DAB1: variants seen among roughly 807,000 people sequenced by gnomAD.
The protein encoded by DAB1 is disabled homolog 1.
In DAB1, 15 loss-of-function variants were observed where a neutral mutation model predicts 64.6. That is an observed-to-expected ratio of 0.23 (90% CI 0.16 to 0.36). The LOEUF (loss-of-function observed/expected upper bound fraction) is 0.36, where lower values mean the gene tolerates loss of function less well. Among genes scored for constraint, DAB1 ranks in the 10% least tolerant of loss-of-function variants. The probability of loss-of-function intolerance (pLI) is 1.00; values close to 1 mark genes in which losing one functional copy is unlikely to be tolerated. For synonymous variants in DAB1, 235 were observed against 251.9 expected, an observed-to-expected ratio of 0.93 and a Z score of 0.64; for missense variants, 596 against 706.7, an observed-to-expected ratio of 0.84 and a Z score of 1.78.
intron 2 of DAB1, among the ~76,000 whole-genome samples, chr1:57,263,236 C>T (rs1670330550): frequency 6.6e-6 from 1 of 152,006 alleles, no homozygotes; most frequent in Non-Finnish European, 1.5e-5. Flanking sequence ...CTGCCTCAGT[C>T]ACCTGAGTAG....
intron 5 of DAB1, among the ~76,000 whole-genome samples, chr1:57,984,256 G>GAAAAA (rs113729930): frequency 2.3e-5 from 3 of 128,912 alleles, no homozygotes; most frequent in African/African-American, 9.2e-5. Context: ...AAGAAAGAAA[G>GAAAAA]AAAGAAAAAA....
At chr1:57,458,686 A>C (rs1404286436) in intron 7 of DAB1, among the ~76,000 whole-genome samples, 2 of 152,144 alleles carry the variant, frequency 1.3e-5, no homozygotes, top group African/African-American at 4.8e-5. Flanking sequence ...TGTTGAAAAC[A>C]ATATAAATAT....
intron 1 of DAB1, chr1:58,542,407 C>T (rs1646636565): frequency 6.6e-6 from 1 of 152,104 alleles, no homozygotes. Flanking sequence ...AGGTTATAAT[C>T]TAGTTGGGGA....
intron 7 of DAB1, among the ~76,000 whole-genome samples, chr1:57,527,389 G>A (rs1644605538): frequency 6.6e-6 from 1 of 152,102 alleles, no homozygotes; most frequent in African/African-American, 2.4e-5. Flanking sequence ...ACCAGGTACT[G>A]TGCTAAGTAT....
intron 1 of DAB1, chr1:58,527,374 T>C (rs1646368661): frequency 5.8e-6 from 5 of 855,500 alleles, no homozygotes; most frequent in South Asian, 2.6e-5. Flanking sequence ...TAAGACAATT[T>C]ATTTCACGAA....
chr1:57,444,025 A>G (rs1686048019), intron 7 of DAB1, among the ~76,000 whole-genome samples: 1 of 152,110 alleles, frequency 6.6e-6, no homozygotes, highest in Non-Finnish European at 1.5e-5. Flanking sequence ...CCCCATCATC[A>G]GCTTACTCCA....
At chr1:58,037,428 CAGG>C (rs1012299996) in intron 5 of DAB1, among the ~76,000 whole-genome samples, 3 of 152,158 alleles carry the variant, frequency 2.0e-5, no homozygotes, top group African/African-American at 7.2e-5. Flanking sequence ...GGCTGCACAG[CAGG>C]AGATGAGTGG....
chr1:57,170,465 T>A (rs1332143408), intron 2 of DAB1, among the ~76,000 whole-genome samples: 1 of 152,162 alleles, frequency 6.6e-6, no homozygotes, highest in Non-Finnish European at 1.5e-5. Context: ...GGGTGACAGG[T>A]AGGCACACAA....
intron 2 of DAB1, among the ~76,000 whole-genome samples, chr1:57,269,544 C>T (rs746811544): frequency 2.6e-5 from 4 of 152,236 alleles, no homozygotes; most frequent in South Asian, 2.1e-4. Flanking sequence ...TGAGGCCCTA[C>T]GTAGGTATGT....
At chr1:57,511,835 C>T (rs1287650181) in intron 7 of DAB1, among the ~76,000 whole-genome samples, 1 of 152,164 alleles carries the variant, frequency 6.6e-6, no homozygotes, top group African/African-American at 2.4e-5. Flanking sequence ...GTCACATTTA[C>T]CATCTGAATC....
At chr1:57,199,692 T>A (rs1195070616) in intron 2 of DAB1, among the ~76,000 whole-genome samples, 5 of 152,184 alleles carry the variant, frequency 3.3e-5, no homozygotes, top group Non-Finnish European at 7.3e-5. Context: ...AAAGTCAAGA[T>A]GATGGGCGTT....
chr1:57,349,757 G>A (rs114241830), intron 1 of DAB1, among the ~76,000 whole-genome samples: 2,217 of 152,190 alleles, frequency 0.015, 37 homozygotes, highest in Middle Eastern at 0.034. Context: ...CTCCTAGCGG[G>A]GGAAATCAAA....
At chr1:57,855,958 T>A (rs147855830) in intron 1 of DAB1, among the ~76,000 whole-genome samples, 5 of 152,164 alleles carry the variant, frequency 3.3e-5, no homozygotes, top group African/African-American at 1.2e-4. Context: ...AGATGGGATG[T>A]GAAGAGGGAA....
chr1:58,048,835 A>G (rs1647424683), intron 5 of DAB1: 1 of 1,023,312 alleles, frequency 9.8e-7, no homozygotes, highest in East Asian at 2.4e-5. Flanking sequence ...ATGGTTGTCA[A>G]AGGTTACAAA....
chr1:57,983,789 C>T (rs375817156), intron 5 of DAB1, among the ~76,000 whole-genome samples: 64 of 152,242 alleles, frequency 4.2e-4, no homozygotes, highest in African/African-American at 1.5e-3. Context: ...TTCATAATCA[C>T]CACAAAGCAA....
intron 1 of DAB1, among the ~76,000 whole-genome samples, chr1:57,370,771 T>C (rs1680434330): frequency 6.6e-6 from 1 of 152,228 alleles, no homozygotes; most frequent in African/African-American, 2.4e-5. Flanking sequence ...TCCTAAGCCT[T>C]GAGTCCTGAC....
chr1:58,117,077 T>C (rs1443453734), intron 5 of DAB1, among the ~76,000 whole-genome samples: 2 of 152,204 alleles, frequency 1.3e-5, no homozygotes, highest in South Asian at 2.1e-4. Flanking sequence ...TATTGGTGAA[T>C]ATTAATAGCT....
chr1:58,068,606 A>G (rs1275351613), intron 5 of DAB1, among the ~76,000 whole-genome samples: 2 of 151,884 alleles, frequency 1.3e-5, no homozygotes, highest in Admixed American at 6.6e-5. Flanking sequence ...TCTACTAATA[A>G]TACAAAAAAA....
chr1:57,269,186 C>T (rs1670802744), intron 2 of DAB1, among the ~76,000 whole-genome samples: 1 of 152,124 alleles, frequency 6.6e-6, no homozygotes. Flanking sequence ...ACCAGCACCT[C>T]CCATTTGTTG....
Sources: gnomAD v4.1 joint callset for allele counts (sites outside exome capture counted in the v4.1 genomes callset) on GRCh38, gnomAD v4.1.1 for gene constraint, MANE v1.5 for transcripts, NCBI Gene and HGNC (gene_info 2026-07-23, HGNC 2026-07-21) for gene names.